The following POLR1A variants were observed in gnomAD, a reference collection of about 807,000 sequenced individuals.
POLR1A encodes the protein DNA-directed RNA polymerase I subunit RPA1.
Under a neutral mutation model 205.3 loss-of-function variants are expected in POLR1A, and 84 were observed. The ratio of observed to expected loss-of-function variants is 0.41; its 90% CI spans 0.34 to 0.49. The LOEUF is 0.49. POLR1A is among the 20% of genes least tolerant of loss of function. The pLI is 0.22. For missense variants in POLR1A, 1,645 were observed against 2,204.5 expected (o/e 0.75, Z 5.08); for synonymous variants, 799 against 863.7 (o/e 0.93, Z 1.31).
chr2:86,077,576 C>G (rs1364896299), intron 11 of POLR1A, among the ~76,000 whole-genome samples: 4 of 152,282 alleles, frequency 2.6e-5, no homozygotes, highest in South Asian at 2.1e-4. Context: ...ATGTGGAACA[C>G]CCTGCAGTCA....
intron 9 of POLR1A, among the ~76,000 whole-genome samples, chr2:86,078,822 G>A (rs1673344150): frequency 6.6e-6 from 1 of 152,216 alleles, no homozygotes; most frequent in African/African-American, 2.4e-5. Context: ...GCTATATCAA[G>A]TTAGTGGCTG....
At chr2:86,085,557 T>C (rs1307509545) in intron 6 of POLR1A, among the ~76,000 whole-genome samples, 1 of 152,180 alleles carries the variant, frequency 6.6e-6, no homozygotes, top group African/African-American at 2.4e-5. Flanking sequence ...GTCTGAACTT[T>C]CTCTTCTACT....
At chr2:86,038,999 T>C (rs1672550063) in intron 26 of POLR1A, 142 bp from the exon 27 acceptor site, 2 of 758,156 alleles carry the variant, frequency 2.6e-6, no homozygotes, top group Non-Finnish European at 4.3e-6. Flanking sequence ...TGGTGAGCTA[T>C]ACTGGTGTGG....
chr2:86,072,813 G>A (rs142447218), intron 12 of POLR1A, among the ~76,000 whole-genome samples: 61 of 152,290 alleles, frequency 4.0e-4, no homozygotes, highest in African/African-American at 1.4e-3. Context: ...TCCTCACCTA[G>A]CCTGTGGTTC....
intron 27 of POLR1A, among the ~76,000 whole-genome samples, chr2:86,036,407 T>A (rs370577770): frequency 1.6e-4 from 25 of 152,214 alleles, no homozygotes; most frequent in East Asian, 5.8e-4. Flanking sequence ...TAGGGAACCA[T>A]CTGTCTCGTG....
Position 86,032,256 on chromosome 2 carries a change from A to G in POLR1A, c.4272+16T>C, listed in dbSNP as rs755415022. The G allele has an allele frequency of 3.2e-6, 5 of 1,549,030 alleles. No individual in the cohort carries two copies. In the African/African-American group the frequency reaches 5.4e-5, roughly 17 times the overall value. On this transcript the variant is annotated intron_variant, in intron 29 of 33. Transcript: ENST00000263857. ...GCTGGGACCACAGCTCCTTCACCCCACACAGGGTCTCTCACCTCCTCCTCC... is the reference window on the plus strand; with the variant it reads ...GCTGGGACCACAGCTCCTTCACCCCGCACAGGGTCTCTCACCTCCTCCTCC...
chr2:86,078,555 G>C (rs955135821), intron 9 of POLR1A, among the ~76,000 whole-genome samples: 4 of 152,134 alleles, frequency 2.6e-5, no homozygotes, highest in African/African-American at 9.7e-5. Context: ...TCTTTCTTAA[G>C]GCATTTTTGC....
intron 1 of POLR1A, among the ~76,000 whole-genome samples, chr2:86,104,266 G>T (rs1235191566): frequency 6.6e-6 from 1 of 151,950 alleles, no homozygotes; most frequent in African/African-American, 2.4e-5. Context: ...TAGCAATTGG[G>T]AGAAAAAGGA....
chr2:86,031,378 C>T lies in POLR1A; in HGVS notation c.4530G>A (p.Pro1510=), dbSNP rs763650782. The change falls in exon 30 of 34, where the codon CCG becomes CCA. Residue 1510 remains proline (P), a synonymous_variant. Transcript: ENST00000263857. ...TGTCGTACTGGTAGTCATCTATGAA[C>T]GGGTGGATCTCACGCACAGCCTGGA... is the stretch of plus-strand genomic sequence containing the variant. ...RRVQAVREIH[P]FIDDYQYDTE... 28 of 1,601,950 alleles carry T rather than the reference C, an allele frequency of 1.7e-5. No homozygotes were observed. The highest frequency in any genetic ancestry group is 8.5e-5 in the Admixed American group (5 of 58,792).
chr2:86,084,930 A>C (rs529987257), intron 6 of POLR1A, among the ~76,000 whole-genome samples: 2 of 152,182 alleles, frequency 1.3e-5, no homozygotes, highest in East Asian at 3.9e-4. Flanking sequence ...TAATTTAAGT[A>C]GTCTCTGTTA....
intron 13 of POLR1A, among the ~76,000 whole-genome samples, chr2:86,067,474 A>G (rs763924994): frequency 2.6e-5 from 4 of 152,224 alleles, no homozygotes; most frequent in Non-Finnish European, 5.9e-5. Flanking sequence ...CACATAAATG[A>G]AAAGTTTAAC....
chr2:86,063,289 C>T (rs930703296), intron 14 of POLR1A, among the ~76,000 whole-genome samples: 1 of 122,124 alleles, frequency 8.2e-6, no homozygotes, highest in Non-Finnish European at 1.6e-5. Context: ...GAGCCAGGAT[C>T]ACACCATTGC....
At position 86,077,900 on chromosome 2, in the gene POLR1A, G is replaced by A; in HGVS notation, c.1339C>T (p.Pro447Ser). The change falls in exon 11 of 34, where the codon CCA becomes TCA. Residue 447 changes from proline (P) to serine (S), a missense_variant. By Grantham distance (74) the Pro-to-Ser change is moderately conservative. This residue lies in a region of POLR1A where 131 missense variants were observed against 214.5 expected (regional missense o/e 0.61). Coordinates refer to ENST00000263857, the MANE Select transcript of POLR1A (RefSeq NM_015425.6). Reference protein sequence around the residue: ...VDYAARSVICPDMYINTNEIG... With the variant: ...VDYAARSVICSDMYINTNEIG... Reference sequence around the variant, plus strand: ...TCGTTGGTGTTGATGTACATGTCTGGGCAGATGACTGAGCGCGCAGCGTAG... The same window carrying A: ...TCGTTGGTGTTGATGTACATGTCTGAGCAGATGACTGAGCGCGCAGCGTAG... 3 of 1,613,188 alleles carry A rather than the reference G, an allele frequency of 1.9e-6. No individual in the cohort carries two copies. Among genetic ancestry groups the A allele is most frequent in the Non-Finnish European group, 2.5e-6 (3 of 1,179,964 alleles).
chr2:86,088,605 C>T lies in POLR1A; in HGVS notation c.691G>A (p.Val231Met). ...TCCTTCTGGCCAGCTGTCCTGTGCA[C>T]CATGGCTGGAAACGTGATAGTCAAC... Reference protein sequence around the residue: ...SKLTITFPAMVHRTAGQKDSE... With the variant: ...SKLTITFPAMMHRTAGQKDSE... The change falls in exon 6 of 34, where the codon GTG becomes ATG. Residue 231 changes from valine (V) to methionine (M), a missense_variant. By Grantham distance (21) the Val-to-Met change is conservative. Coordinates refer to ENST00000263857, the MANE Select transcript of POLR1A (RefSeq NM_015425.6). 2 of 1,614,020 alleles carry T rather than the reference C, an allele frequency of 1.2e-6. No homozygotes were observed. Among genetic ancestry groups the T allele is most frequent in the East Asian group, 2.2e-5 (1 of 44,882 alleles).
At chr2:86,096,136 C>T (rs1288000942) in intron 3 of POLR1A, among the ~76,000 whole-genome samples, 3 of 152,044 alleles carry the variant, frequency 2.0e-5, no homozygotes, top group Non-Finnish European at 4.4e-5. Context: ...CACTTTTATA[C>T]ACAAACAATG....
chr2:86,021,405 G>A lies in POLR1A; in HGVS notation c.*6018C>T, dbSNP rs994783683. On this transcript the variant is annotated 3_prime_UTR_variant, in exon 34 of 34. Coordinates refer to ENST00000263857, the MANE Select transcript of POLR1A (RefSeq NM_015425.6). ...GGGCAAAGGGCCAGCAGCCAGGGTG[G>A]AAGTGGGGGCAGGAGGTGGGGAGGG... 4 of 152,494 alleles carry A rather than the reference G, an allele frequency of 2.6e-5. No homozygotes were observed. The highest frequency in any genetic ancestry group is 7.2e-5 in the African/African-American group (3 of 41,468). The allele number at this position is 152,494 out of a possible 1,614,324, so 9.4% of individuals were successfully genotyped here.
intron 24 of POLR1A, among the ~76,000 whole-genome samples, chr2:86,040,765 C>A (rs1237937150): frequency 6.6e-6 from 1 of 152,288 alleles, no homozygotes; most frequent in East Asian, 1.9e-4. Flanking sequence ...CAGATCCCAG[C>A]TGGGTGGCTG....
chr2:86,068,131 C>G (rs1461610853), intron 13 of POLR1A, among the ~76,000 whole-genome samples: 1 of 152,168 alleles, frequency 6.6e-6, no homozygotes, highest in African/African-American at 2.4e-5. Context: ...AAATCAAGCA[C>G]AGCACATTCA....
intron 27 of POLR1A, among the ~76,000 whole-genome samples, chr2:86,037,499 C>T (rs1480582210): frequency 6.6e-6 from 1 of 152,260 alleles, no homozygotes; most frequent in Non-Finnish European, 1.5e-5. Flanking sequence ...GTTGCCCACG[C>T]CTGCCCCCGT....
Sources: gnomAD v4.1 joint callset for allele counts (sites outside exome capture counted in the v4.1 genomes callset) on GRCh38, gnomAD v4.1.1 for gene constraint, gnomAD v4.1.1 regional missense constraint, MANE v1.5 for transcripts, NCBI Gene and HGNC (gene_info 2026-07-23, HGNC 2026-07-21) for gene names.